Variants in GAD1 observed in about 807,000 individuals in gnomAD.
GAD1 encodes 67 kDa glutamic acid decarboxylase.
GAD1 carries 35 observed loss-of-function variants against 75.2 expected under a neutral mutation model. The observed-to-expected ratio is 0.47, with a 90% confidence interval of 0.36 to 0.62. The LOEUF (loss-of-function observed/expected upper bound fraction) is 0.62, where lower values mean the gene tolerates loss of function less well. Ranked by LOEUF, GAD1 falls within the 20% of genes least tolerant of loss-of-function variation. GAD1 has a pLI of 0.00. For missense variants in GAD1, 490 were observed against 758.5 expected, an observed-to-expected ratio of 0.65 and a Z score of 4.16; for synonymous variants, 257 against 271.9, an observed-to-expected ratio of 0.95 and a Z score of 0.54.
At chr2:170,814,582 G>C (rs1034548016), upstream of GAD1, among the ~76,000 whole-genome samples, 1 of 152,184 alleles carries the variant, frequency 6.6e-6, no homozygotes, top group African/African-American at 2.4e-5. Context: ...ATAAACCGCA[G>C]GGACAATGCA....
At chr2:170,822,209 T>C in intron 3 of GAD1, 60 bp downstream of exon 3, 1 of 1,406,624 alleles carries the variant, frequency 7.1e-7, no homozygotes, top group Non-Finnish European at 1.0e-6. Flanking sequence ...CCTTTGGGGC[T>C]TGGGAGACTG....
intron 6 of GAD1, among the ~76,000 whole-genome samples, chr2:170,839,570 T>C (rs1359520892): frequency 6.7e-6 from 1 of 149,570 alleles, no homozygotes; most frequent in Non-Finnish European, 1.5e-5. Context: ...GCTGAGACTA[T>C]GCCACCGCAC....
At chr2:170,849,394 A>G (rs1702703713) in intron 12 of GAD1, 44 bp downstream of exon 12, 2 of 1,568,870 alleles carry the variant, frequency 1.3e-6, no homozygotes, top group African/African-American at 1.4e-5. Context: ...CCAGCACATC[A>G]AACAGACCAT....
At chr2:170,832,658 GCGCGCGCACACA>G (rs1559275769) in intron 5 of GAD1, among the ~76,000 whole-genome samples, 3 of 36,372 alleles carry the variant, frequency 8.2e-5, no homozygotes, top group South Asian at 4.0e-3. Context: ...ACATGCGCGC[GCGCGCGCACACA>G]CACACACACA....
chr2:170,848,569 G>C, intron 11 of GAD1: 1 of 414,990 alleles, frequency 2.4e-6, no homozygotes, highest in East Asian at 6.8e-5. Context: ...TATACGGAAG[G>C]CATTATCAAC....
rs1192331268 is a variant in GAD1 at position 170,820,974 on chromosome 2, T to G, written c.83-1113T>G. Among the ~76,000 whole-genome samples the G allele has an allele frequency of 2.6e-5, 4 of 152,236 alleles. No individual in the cohort carries two copies. The East Asian group carries it at 5.8e-4, about 22-fold the overall frequency. On this transcript the variant is annotated intron_variant, in intron 2 of 16. Transcript: ENST00000358196. ...TATTATTAGGGTTTCGCTTTTGCACTGATTTCCTGTCTGTCACTGGAACTC... is the reference window on the plus strand; with the variant it reads ...TATTATTAGGGTTTCGCTTTTGCACGGATTTCCTGTCTGTCACTGGAACTC...
At chr2:170,843,786 C>G (rs1702573782) in intron 6 of GAD1, 1 of 479,444 alleles carries the variant, frequency 2.1e-6, no homozygotes, top group South Asian at 2.1e-5. Flanking sequence ...CTAAGACATT[C>G]CATTCAGATA....
chr2:170,831,190 C>T lies in GAD1; in HGVS notation c.545C>T (p.Thr182Ile), dbSNP rs1702213000. 2 of 1,613,992 alleles carry T rather than the reference C, an allele frequency of 1.2e-6. No individual in the cohort carries two copies. Among genetic ancestry groups the T allele is most frequent in the Non-Finnish European group, 1.7e-6 (2 of 1,180,024 alleles). Residue 182 changes from threonine (T) to isoleucine (I), a missense_variant and splice_region_variant, in exon 5 of 17, where the codon ACA (threonine) becomes ATA (isoleucine). Thr to Ile is a moderately conservative substitution (Grantham distance 89). Around this residue, in one of 3 missense-constraint regions of GAD1, gnomAD observed 324 missense variants for 523.9 expected, o/e 0.62. Coordinates refer to ENST00000358196, the MANE Select transcript of GAD1 (RefSeq NM_000817.3). ...GACACCTTGAAGTATGGGGTTCGCA[C>T]AGGTAAGGAGGAGAGTTGGGTAGAC... ...CRDTLKYGVR[T>I]GHPRFFNQLS...
At chr2:170,824,071 C>G (rs1264710891) in intron 3 of GAD1, among the ~76,000 whole-genome samples, 1 of 152,162 alleles carries the variant, frequency 6.6e-6, no homozygotes, top group Non-Finnish European at 1.5e-5. Context: ...TCCACTCCCC[C>G]TCCCCCACTG....
rs143481761 is a variant in GAD1 at position 170,821,225 on chromosome 2, T to A, written c.83-862T>A. 7.2e-5 allele frequency among the ~76,000 whole-genome samples: 11 copies of A among 152,216 alleles called. No individual in the cohort carries two copies. The East Asian group carries it at 2.1e-3, about 29-fold the overall frequency. ...CACACCACTCCGCTTGGGGGCTTAG[T>A]GGGGATGGGGCTGCTTCCCACGCTT... On this transcript the variant is annotated intron_variant, in intron 2 of 16. Transcript: ENST00000358196.
chr2:170,815,459 C>G (rs896690031), upstream of GAD1, among the ~76,000 whole-genome samples: 4 of 152,096 alleles, frequency 2.6e-5, no homozygotes, highest in Non-Finnish European at 2.9e-5. Flanking sequence ...CAGGGCGGAC[C>G]CTTCGATCTC....
chr2:170,817,735 T>G (rs1304799157), intron 1 of GAD1: 1 of 152,320 alleles, frequency 6.6e-6, no homozygotes, highest in Non-Finnish European at 1.5e-5. Context: ...TCTCTGGATC[T>G]GTACCGCGAG....
intron 6 of GAD1, among the ~76,000 whole-genome samples, chr2:170,843,142 T>A (rs1340148630): frequency 6.6e-6 from 1 of 152,244 alleles, no homozygotes; most frequent in Admixed American, 6.5e-5. Context: ...CTGGCTTAAT[T>A]TTCTGTGGAC....
chr2:170,858,948 G>T (rs1420786996), intron 16 of GAD1, 55 bp downstream of exon 16: 6 of 1,461,880 alleles, frequency 4.1e-6, no homozygotes, highest in Non-Finnish European at 5.8e-6. Flanking sequence ...TGGCTGGTCA[G>T]GACATCCTCA....
chr2:170,843,872 G>A (rs1702575886), intron 6 of GAD1, 173 bp from the exon 7 acceptor site: 2 of 613,694 alleles, frequency 3.3e-6, no homozygotes, highest in Non-Finnish European at 2.9e-6. Flanking sequence ...GCTGGTTTCT[G>A]ACATTTTATG....
intron 10 of GAD1, among the ~76,000 whole-genome samples, chr2:170,846,275 T>C (rs1019863384): frequency 6.6e-6 from 1 of 152,250 alleles, no homozygotes; most frequent in African/African-American, 2.4e-5. Flanking sequence ...AATTTGGTCA[T>C]TAAACTATTT....
Position 170,840,641 on chromosome 2 carries a change from A to G in GAD1, c.639-3404A>G, listed in dbSNP as rs1475559705. The stretch of plus-strand genomic sequence containing the variant: ...GGAGGGAGGAAGGGAGGAAGGGAGG[A>G]AAGGAGGGAGGTAGGGAAGGGAGGG... On this transcript the variant is annotated intron_variant, in intron 6 of 16. Transcript: ENST00000358196. 1.0e-3 allele frequency among the ~76,000 whole-genome samples: 91 copies of G among 90,904 alleles called. 1 individual carries two copies. Among genetic ancestry groups the G allele is most frequent in the Admixed American group, 4.2e-3 (40 of 9,422 alleles). 59.6% of individuals were successfully genotyped at this position (90,904 alleles called of 152,430 possible).
At chr2:170,857,306 T>G (rs1702873351) in intron 15 of GAD1, among the ~76,000 whole-genome samples, 181 bp downstream of exon 15, 2 of 152,166 alleles carry the variant, frequency 1.3e-5, no homozygotes, top group African/African-American at 4.8e-5. Flanking sequence ...GAACTTTTCT[T>G]CTGGTAGCAC....
Position 170,858,796 on chromosome 2 carries a change from C to A in GAD1, c.1522-8C>A, listed in dbSNP as rs776841185. The A allele has an allele frequency of 2.5e-6, 4 of 1,613,700 alleles. No individual in the cohort carries two copies. The highest frequency in any genetic ancestry group is 3.4e-6 in the Non-Finnish European group (4 of 1,179,604). On this transcript the variant is annotated splice_polypyrimidine_tract_variant and splice_region_variant and intron_variant, in intron 15 of 16. Transcript: ENST00000358196. ...ATTTTCTTTGTTTGTCTTTTAAAAT[C>A]TCTGCAGCCTGAGCACACAAACGTC...
Sources: allele counts gnomAD v4.1 joint callset (sites outside exome capture counted in the v4.1 genomes callset), GRCh38; gene constraint gnomAD v4.1.1; regional missense constraint gnomAD v4.1.1; transcripts MANE v1.5; gene names NCBI Gene and HGNC (gene_info 2026-07-23, HGNC 2026-07-21).